Variants in BRINP3 observed in about 807,000 individuals in gnomAD.
BRINP3 encodes the protein BMP/retinoic acid-inducible neural-specific protein 3.
Under a neutral mutation model 71.0 loss-of-function variants are expected in BRINP3, and 19 were observed. The observed-to-expected ratio is 0.27, with a 90% CI of 0.19 to 0.39. The LOEUF (loss-of-function observed/expected upper bound fraction) is 0.39, where lower values mean the gene tolerates loss of function less well. Among genes scored for constraint, BRINP3 ranks in the 10% least tolerant of loss-of-function variants. The pLI, the probability that BRINP3 is intolerant of heterozygous loss-of-function variation, is 1.00. For missense variants in BRINP3, 959 were observed against 940.8 expected (o/e 1.02, Z -0.25); for synonymous variants, 380 against 337.7 (o/e 1.13, Z -1.37).
chr1:190,264,373 C>G (rs1661467254), intron 4 of BRINP3, among the ~76,000 whole-genome samples: 1 of 152,124 alleles, frequency 6.6e-6, no homozygotes, highest in African/African-American at 2.4e-5. Flanking sequence ...TATAACCATG[C>G]ACCTGTACAT....
chr1:190,391,983 G>A (rs774265422), intron 2 of BRINP3, among the ~76,000 whole-genome samples: 15 of 151,458 alleles, frequency 9.9e-5, no homozygotes, highest in Non-Finnish European at 1.9e-4. Context: ...AATTTTTGAT[G>A]CTTTACCATC....
At chr1:190,108,662 T>C (rs1025848322) in intron 7 of BRINP3, among the ~76,000 whole-genome samples, 1 of 149,914 alleles carries the variant, frequency 6.7e-6, no homozygotes, top group Non-Finnish European at 1.5e-5. Flanking sequence ...CAAACAATGA[T>C]GAATTAACTT....
intron 7 of BRINP3, among the ~76,000 whole-genome samples, chr1:190,123,371 CAG>C (rs1446537014): frequency 7.9e-5 from 12 of 152,196 alleles, no homozygotes; most frequent in African/African-American, 1.2e-4. Context: ...GTCTCTGACT[CAG>C]GAGTCTGTGT....
chr1:190,110,065 C>T (rs1652534357), intron 7 of BRINP3, among the ~76,000 whole-genome samples: 1 of 152,140 alleles, frequency 6.6e-6, no homozygotes, highest in Non-Finnish European at 1.5e-5. Context: ...CTCTGGAGAA[C>T]CCTGACTAAT....
chr1:190,441,137 A>T (rs1314305283), intron 2 of BRINP3, among the ~76,000 whole-genome samples: 1 of 151,892 alleles, frequency 6.6e-6, no homozygotes, highest in Non-Finnish European at 1.5e-5. Flanking sequence ...CCTAATAGAG[A>T]AGCTAGAAAA....
chr1:190,162,671 T>C (rs1651112317), intron 6 of BRINP3, among the ~76,000 whole-genome samples: 1 of 152,158 alleles, frequency 6.6e-6, no homozygotes. Flanking sequence ...CATAGTTTAA[T>C]TATGTTCATT....
intron 2 of BRINP3, among the ~76,000 whole-genome samples, chr1:190,408,792 A>T (rs559188060): frequency 6.6e-6 from 1 of 152,322 alleles, no homozygotes; most frequent in East Asian, 1.9e-4. Flanking sequence ...GCTATCAACC[A>T]CCAAGTATTA....
At chr1:190,472,819 A>G (rs971968937) in intron 1 of BRINP3, among the ~76,000 whole-genome samples, 12 of 151,392 alleles carry the variant, frequency 7.9e-5, no homozygotes, top group Admixed American at 2.6e-4. Flanking sequence ...AATTACACAC[A>G]CACACACACA....
intron 4 of BRINP3, among the ~76,000 whole-genome samples, chr1:190,247,659 T>G (rs1055785025): frequency 4.0e-5 from 6 of 151,788 alleles, no homozygotes; most frequent in Non-Finnish European, 8.8e-5. Flanking sequence ...CTTCTCACCC[T>G]CTAATACCCA....
chr1:190,211,903 T>C (rs1271851045), intron 6 of BRINP3, among the ~76,000 whole-genome samples: 2 of 152,104 alleles, frequency 1.3e-5, no homozygotes, highest in Non-Finnish European at 2.9e-5. Context: ...TAAGTCATAA[T>C]GGAAACGGTG....
chr1:190,461,603 C>A (rs547917329), intron 1 of BRINP3, among the ~76,000 whole-genome samples: 14 of 152,170 alleles, frequency 9.2e-5, no homozygotes, highest in African/African-American at 2.9e-4. Context: ...CTGAAATAAA[C>A]CTGCATAAAT....
At position 190,220,070 on chromosome 1, in the gene BRINP3, G is replaced by A. The variant is rs190332875; in HGVS notation, c.961+6012C>T. Among the ~76,000 whole-genome samples, 25 of 152,004 alleles carry A rather than the reference G, an allele frequency of 1.6e-4. No homozygotes were observed. The East Asian group carries it at 4.7e-3, about 28-fold the overall frequency. On this transcript the variant is annotated intron_variant, in intron 6 of 7. Transcript: ENST00000367462. ...AATAAATAATGAAAAACTGTGCAAA[G>A]CTTGAGAAATATTCAGGTATAGAAC... is the stretch of plus-strand genomic sequence containing the variant.
At chr1:190,237,850 T>G (rs1658674727) in intron 4 of BRINP3, among the ~76,000 whole-genome samples, 1 of 152,090 alleles carries the variant, frequency 6.6e-6, no homozygotes, top group Admixed American at 6.6e-5. Flanking sequence ...TCTTTTACAA[T>G]AGAGTTATGC....
At chr1:190,367,940 T>C (rs1348407228) in intron 2 of BRINP3, among the ~76,000 whole-genome samples, 1 of 152,148 alleles carries the variant, frequency 6.6e-6, no homozygotes, top group East Asian at 1.9e-4. Flanking sequence ...TCTGGGACAT[T>C]CCAAGTATTC....
intron 7 of BRINP3, among the ~76,000 whole-genome samples, chr1:190,124,497 C>A (rs1167608026): frequency 1.3e-5 from 2 of 151,978 alleles, no homozygotes; most frequent in African/African-American, 2.4e-5. Flanking sequence ...TCTTAAGAGT[C>A]CAGCACAATG....
At chr1:190,405,781 C>CA (rs1281363788) in intron 2 of BRINP3, among the ~76,000 whole-genome samples, 1 of 152,140 alleles carries the variant, frequency 6.6e-6, no homozygotes, top group Non-Finnish European at 1.5e-5. Flanking sequence ...ATTTCATTAG[C>CA]AATCACCCTT....
chr1:190,116,273 G>A (rs1557980360), intron 7 of BRINP3, among the ~76,000 whole-genome samples: 1 of 152,024 alleles, frequency 6.6e-6, no homozygotes, highest in Non-Finnish European at 1.5e-5. Flanking sequence ...ATTAAGAGCT[G>A]AAAATTGATT....
chr1:190,440,511 G>A (rs1309678539), intron 2 of BRINP3, among the ~76,000 whole-genome samples: 1 of 151,782 alleles, frequency 6.6e-6, no homozygotes, highest in Non-Finnish European at 1.5e-5. Flanking sequence ...ATGTCAGAAA[G>A]GTGACCAGTA....
intron 5 of BRINP3, among the ~76,000 whole-genome samples, chr1:190,230,775 ACACT>A (rs1399577032): frequency 2.0e-5 from 3 of 151,680 alleles, no homozygotes; most frequent in African/African-American, 7.3e-5. Context: ...AATTCTTCAA[ACACT>A]CACACACACA....
Sources: allele counts gnomAD v4.1 joint callset (sites outside exome capture counted in the v4.1 genomes callset), GRCh38; gene constraint gnomAD v4.1.1; transcripts MANE v1.5; gene names NCBI Gene and HGNC (gene_info 2026-07-23, HGNC 2026-07-21).